Variants in CACNG8 observed in about 807,000 individuals in gnomAD.
CACNG8 encodes the protein calcium voltage-gated channel auxiliary subunit gamma 8, also known as voltage-dependent calcium channel gamma-8 subunit.
Under a neutral mutation model 26.9 loss-of-function variants are expected in CACNG8, and 5 were observed. The ratio of observed to expected loss-of-function variants is 0.19; its 90% CI spans 0.10 to 0.39. The LOEUF (loss-of-function observed/expected upper bound fraction) is 0.39, where lower values mean the gene tolerates loss of function less well. Ranked by LOEUF, CACNG8 falls within the 10% of genes least tolerant of loss-of-function variation. The pLI, the probability that CACNG8 is intolerant of heterozygous loss-of-function variation, is 1.00. For missense variants in CACNG8, 473 were observed against 609.4 expected (o/e 0.78, Z 2.36); for synonymous variants, 321 against 296.7 (o/e 1.08, Z -0.84).
chr19:53,980,057 C>A, intron 3 of CACNG8, 50 bp downstream of exon 3: 4 of 1,103,648 alleles, frequency 3.6e-6, no homozygotes, highest in Non-Finnish European at 4.9e-6. Context: ...TGGGCGCGCA[C>A]GTGTGTGTGT....
rs542836441 is a variant in CACNG8 at position 53,975,051 on chromosome 19, T to G, written c.284-3095T>G. On this transcript the variant is annotated intron_variant, in intron 1 of 3. Coordinates refer to ENST00000270458, the MANE Select transcript of CACNG8 (RefSeq NM_031895.6). Reference sequence around the variant, plus strand: ...GCAACCTCCACCTCCCGGCTTCAAGTGATTCTCCTGCCTCAGCCTCCCTAG... The same window carrying G: ...GCAACCTCCACCTCCCGGCTTCAAGGGATTCTCCTGCCTCAGCCTCCCTAG... Among the ~76,000 whole-genome samples, 8 of 138,782 alleles carry G rather than the reference T, an allele frequency of 5.8e-5. No individual in the cohort carries two copies. The East Asian group carries it at 1.8e-3, about 32-fold the overall frequency. 91.0% of individuals were successfully genotyped at this position (138,782 alleles called of 152,430 possible).
rs149036036 is a variant in CACNG8 at position 53,984,811 on chromosome 19, G to A, written c.*1962G>A. On this transcript the variant is annotated 3_prime_UTR_variant, in exon 4 of 4. Transcript: ENST00000270458. ...ACAAAACATTAAAAAAAATTAGCCG[G>A]GCGTGGTGGAGCACACCTGTGGACA... 1 of 152,228 alleles carries A rather than the reference G, an allele frequency of 6.6e-6. No homozygotes were observed. The allele number at this position is 152,228 out of a possible 1,614,324, so 9.4% of individuals were successfully genotyped here. A position where few individuals can be genotyped will look rare whatever the true frequency, so the allele number is the denominator to read the frequency against.
At chr19:53,966,562 G>T (rs2069273394) in intron 1 of CACNG8, among the ~76,000 whole-genome samples, 1 of 151,742 alleles carries the variant, frequency 6.6e-6, no homozygotes, top group Admixed American at 6.6e-5. Flanking sequence ...ACAGGCACAT[G>T]CCCCCATTTT....
chr19:53,980,406 G>A (rs113471857), intron 3 of CACNG8, among the ~76,000 whole-genome samples: 2 of 152,148 alleles, frequency 1.3e-5, no homozygotes, highest in African/African-American at 4.8e-5. Context: ...TTGGAGGGCG[G>A]GCCCAGGAGA....
At chr19:53,968,157 T>G (rs546313645) in intron 1 of CACNG8, among the ~76,000 whole-genome samples, 53 of 151,820 alleles carry the variant, frequency 3.5e-4, no homozygotes, top group African/African-American at 1.3e-3. Flanking sequence ...GGAAGATCAC[T>G]TGAGCCCAGG....
intron 2 of CACNG8, among the ~76,000 whole-genome samples, chr19:53,979,175 A>G (rs1392445626): frequency 7.6e-6 from 1 of 130,736 alleles, no homozygotes; most frequent in Non-Finnish European, 1.6e-5. Context: ...AGACTTAGGA[A>G]GACAGATGAG....
chr19:53,966,469 G>A (rs553969649), intron 1 of CACNG8, among the ~76,000 whole-genome samples: 1 of 152,226 alleles, frequency 6.6e-6, no homozygotes, highest in African/African-American at 2.4e-5. Context: ...CTGGCGTGCA[G>A]TGGTAAGACC....
At chr19:53,981,984 C>T in intron 3 of CACNG8, 96 bp from the exon 4 acceptor site, 1 of 1,306,252 alleles carries the variant, frequency 7.7e-7, no homozygotes, top group East Asian at 3.1e-5. Context: ...GGGGTGGCGC[C>T]TGGGCCCGCT....
intron 1 of CACNG8, among the ~76,000 whole-genome samples, chr19:53,968,790 A>AAG (rs2069285746): frequency 6.8e-6 from 1 of 147,484 alleles, no homozygotes; most frequent in Non-Finnish European, 1.5e-5. Flanking sequence ...AAAAAAAAAA[A>AAG]AGGGAGGGAG....
intron 1 of CACNG8, among the ~76,000 whole-genome samples, chr19:53,969,898 G>A (rs549421068): frequency 5.9e-5 from 9 of 152,280 alleles, no homozygotes; most frequent in Middle Eastern, 3.4e-3. Flanking sequence ...TTGGGAAGCC[G>A]AGGCGGGTGG....
intron 3 of CACNG8, among the ~76,000 whole-genome samples, chr19:53,980,294 T>C (rs1434896104): frequency 6.7e-6 from 1 of 150,366 alleles, no homozygotes; most frequent in Middle Eastern, 3.2e-3. Flanking sequence ...GCGCTTAGGA[T>C]CCCAAGCCCG....
chr19:53,972,361 C>CTTTTTTTTTTTTTT (rs577196456), intron 1 of CACNG8, among the ~76,000 whole-genome samples: 4 of 106,288 alleles, frequency 3.8e-5, no homozygotes, highest in Non-Finnish European at 5.5e-5. Flanking sequence ...TTCTTCTTTT[C>CTTTTTTTTTTTTTT]TTTTTTTTTT....
In CACNG8 at chr19:53,987,704, T is replaced by C. The variant is rs4806680; in HGVS notation, c.*4855T>C. 111,145 of 152,092 alleles carry C rather than the reference T, an allele frequency of 0.73. 40,776 individuals carry two copies. Among genetic ancestry groups the C allele is most frequent in the East Asian group, 0.88 (4,556 of 5,166 alleles). The allele number at this position is 152,092 out of a possible 1,614,324, so 9.4% of individuals were successfully genotyped here. On this transcript the variant is annotated 3_prime_UTR_variant, in exon 4 of 4. Transcript: ENST00000270458. ...AACGAGGAGACTGGGATCAGGAAAGTGGCTTTGGGAGGGAGGAACCAAGGC... is the reference window on the plus strand; with the variant it reads ...AACGAGGAGACTGGGATCAGGAAAGCGGCTTTGGGAGGGAGGAACCAAGGC...
At position 53,963,344 on chromosome 19, in the gene CACNG8, C is replaced by A; in HGVS notation, c.202C>A (p.Arg68Ser). 1.9e-6 allele frequency: 3 copies of A among 1,597,158 alleles called. No individual in the cohort carries two copies. The highest frequency in any genetic ancestry group is 2.5e-6 in the Non-Finnish European group (3 of 1,176,524). ...CGGCGGCGACGACGGGACCCCCCAC[C>A]GCGGGGGCGGCGGCGCCTCGGAGAA... The change falls in exon 1 of 4, where the codon CGC becomes AGC. Residue 68 changes from arginine to serine, a missense_variant. Transcript: ENST00000270458.
At chr19:53,973,727 G>A (rs1184105290) in intron 1 of CACNG8, among the ~76,000 whole-genome samples, 1 of 151,928 alleles carries the variant, frequency 6.6e-6, no homozygotes, top group Non-Finnish European at 1.5e-5. Context: ...CTCAGGAGCT[G>A]AGGCAAGAGA....
rs558653391 is a variant in CACNG8, at chr19:53,988,784, G to A, written c.*5935G>A. 90 of 152,368 alleles carry A rather than the reference G, an allele frequency of 5.9e-4. No individual in the cohort carries two copies. The highest frequency in any genetic ancestry group is 2.1e-3 in the African/African-American group (89 of 41,522). The allele number at this position is 152,368 out of a possible 1,614,324, so 9.4% of individuals were successfully genotyped here. On this transcript the variant is annotated 3_prime_UTR_variant, in exon 4 of 4. Transcript: ENST00000270458. Reference sequence around the variant, plus strand: ...TGAATTCAGGGGGCAGGGAAGAGAGGATGCTGTCAGCTAGGCTCTGGCAGA... The same window carrying A: ...TGAATTCAGGGGGCAGGGAAGAGAGAATGCTGTCAGCTAGGCTCTGGCAGA...
At chr19:53,975,547 CTT>C (rs2069326261) in intron 1 of CACNG8, among the ~76,000 whole-genome samples, 1 of 151,752 alleles carries the variant, frequency 6.6e-6, no homozygotes, top group South Asian at 2.1e-4. Context: ...ACCCGGCTAA[CTT>C]TTGTATTTTT....
chr19:53,963,743 T>C lies in CACNG8; in HGVS notation c.283+318T>C, dbSNP rs1319014574. ...CCCCATCACACCCCTGCATCTTCCC[T>C]CTCTCCAGTACCTGGGGCTCCTCCT... On this transcript the variant is annotated intron_variant, in intron 1 of 3. Coordinates refer to ENST00000270458, the MANE Select transcript of CACNG8 (RefSeq NM_031895.6). 3.3e-5 allele frequency among the ~76,000 whole-genome samples: 5 copies of C among 151,184 alleles called. No homozygotes were observed. The East Asian group carries it at 9.7e-4, about 29-fold the overall frequency.
At chr19:53,964,908 G>A (rs571878454) in intron 1 of CACNG8, among the ~76,000 whole-genome samples, 15 of 152,206 alleles carry the variant, frequency 9.9e-5, no homozygotes, top group African/African-American at 2.9e-4. Context: ...TGCCCCCTTC[G>A]GCCAAAAGAT....
Sources: allele counts gnomAD v4.1 joint callset (sites outside exome capture counted in the v4.1 genomes callset), GRCh38; gene constraint gnomAD v4.1.1; transcripts MANE v1.5; gene names NCBI Gene and HGNC (gene_info 2026-07-23, HGNC 2026-07-21).